The following GRID2 variants were observed in gnomAD, a reference collection of about 807,000 sequenced individuals.
GRID2 encodes glutamate receptor ionotropic, delta-2.
Under a neutral mutation model 114.8 loss-of-function variants are expected in GRID2, and 33 were observed. That is an observed-to-expected ratio of 0.29 (90% CI 0.22 to 0.38). GRID2 has a LOEUF of 0.38. Ranked by LOEUF, GRID2 falls within the 10% of genes least tolerant of loss-of-function variation. GRID2 has a pLI of 1.00. For missense variants in GRID2, 1,184 were observed against 1,257.7 expected (o/e 0.94, Z 0.89); for synonymous variants, 505 against 449.9 (o/e 1.12, Z -1.55).
intron 14 of GRID2, among the ~76,000 whole-genome samples, chr4:93,674,785 G>A (rs1480762582): frequency 6.6e-6 from 1 of 151,470 alleles, no homozygotes; most frequent in Non-Finnish European, 1.5e-5. Flanking sequence ...TCTAAAAAGT[G>A]GACATTAAAA....
At chr4:93,001,725 C>T (rs576311875) in intron 2 of GRID2, among the ~76,000 whole-genome samples, 2 of 151,772 alleles carry the variant, frequency 1.3e-5, no homozygotes, top group Non-Finnish European at 3.0e-5. Context: ...CTGCCATTAT[C>T]AGCTGTGTGC....
chr4:93,368,230 A>G (rs1762527631), intron 8 of GRID2, among the ~76,000 whole-genome samples: 1 of 152,142 alleles, frequency 6.6e-6, no homozygotes, highest in East Asian at 1.9e-4. Flanking sequence ...TTAAATGTAT[A>G]ATTATTATTT....
chr4:92,926,596 T>A (rs987573117), intron 2 of GRID2, among the ~76,000 whole-genome samples: 1 of 151,992 alleles, frequency 6.6e-6, no homozygotes, highest in African/African-American at 2.4e-5. Flanking sequence ...AGTTAGTAAA[T>A]AAATGATTAT....
chr4:93,073,316 TA>T (rs1162227741), intron 2 of GRID2, among the ~76,000 whole-genome samples: 1 of 152,160 alleles, frequency 6.6e-6, no homozygotes, highest in African/African-American at 2.4e-5. Context: ...TATAAACAGA[TA>T]ATGTAAACTT....
chr4:93,488,311 C>T (rs1478205078), intron 11 of GRID2, among the ~76,000 whole-genome samples: 1 of 151,882 alleles, frequency 6.6e-6, no homozygotes, highest in African/African-American at 2.4e-5. Context: ...AAGAAGGTAT[C>T]TAAAATGCAT....
intron 2 of GRID2, among the ~76,000 whole-genome samples, chr4:92,846,071 A>G (rs937881630): frequency 6.6e-6 from 1 of 152,088 alleles, no homozygotes; most frequent in Non-Finnish European, 1.5e-5. Flanking sequence ...CTTAATATCT[A>G]GTTAAAATTA....
chr4:92,998,410 T>C (rs1434877547), intron 2 of GRID2, among the ~76,000 whole-genome samples: 1 of 152,046 alleles, frequency 6.6e-6, no homozygotes, highest in Non-Finnish European at 1.5e-5. Context: ...GATTTTCAAA[T>C]TAAAGTATGA....
chr4:92,685,166 TATC>T (rs1733839706), intron 2 of GRID2, among the ~76,000 whole-genome samples: 1 of 152,118 alleles, frequency 6.6e-6, no homozygotes, highest in Non-Finnish European at 1.5e-5. Context: ...CTAAATATTT[TATC>T]ATTATAGAAA....
At chr4:92,315,484 G>A (rs1172306779) in intron 1 of GRID2, among the ~76,000 whole-genome samples, 1 of 152,070 alleles carries the variant, frequency 6.6e-6, no homozygotes, top group Non-Finnish European at 1.5e-5. Context: ...TAGCTTCTTG[G>A]GGTGGTGAAA....
At chr4:93,149,580 AAAAAAC>A (rs1382015734) in intron 4 of GRID2, among the ~76,000 whole-genome samples, 2 of 151,796 alleles carry the variant, frequency 1.3e-5, no homozygotes, top group Non-Finnish European at 2.9e-5. Flanking sequence ...CATCAAAAAA[AAAAAAC>A]AAAAACAAGT....
chr4:92,807,501 T>A (rs1017908408), intron 2 of GRID2, among the ~76,000 whole-genome samples: 30 of 151,592 alleles, frequency 2.0e-4, no homozygotes, highest in African/African-American at 7.3e-4. Flanking sequence ...ATACAAGGAG[T>A]TGTAATTGGA....
At chr4:92,453,674 C>T (rs549729214) in intron 1 of GRID2, among the ~76,000 whole-genome samples, 8 of 152,194 alleles carry the variant, frequency 5.3e-5, no homozygotes, top group African/African-American at 1.9e-4. Flanking sequence ...CCTAGGAGTG[C>T]ACATTGTTGA....
At chr4:92,891,055 T>G (rs1019943993) in intron 2 of GRID2, among the ~76,000 whole-genome samples, 1 of 152,042 alleles carries the variant, frequency 6.6e-6, no homozygotes, top group East Asian at 1.9e-4. Context: ...TAAGTGGAAG[T>G]TGAACGATAA....
At chr4:93,113,033 T>G (rs536987869) in intron 4 of GRID2, among the ~76,000 whole-genome samples, 1 of 152,256 alleles carries the variant, frequency 6.6e-6, no homozygotes, top group East Asian at 1.9e-4. Flanking sequence ...AAGGAGGTAG[T>G]GATGGCACAA....
chr4:93,006,321 G>C (rs904679827), intron 2 of GRID2, among the ~76,000 whole-genome samples: 14 of 152,076 alleles, frequency 9.2e-5, no homozygotes, highest in African/African-American at 2.9e-4. Context: ...GGAGGAGAGG[G>C]GGAGACCTAG....
intron 1 of GRID2, among the ~76,000 whole-genome samples, chr4:92,588,503 C>T (rs1255339964): frequency 1.3e-5 from 2 of 151,070 alleles, no homozygotes; most frequent in Non-Finnish European, 3.0e-5. Flanking sequence ...AGTGAAACCC[C>T]GTCCCTACTA....
At chr4:93,496,898 G>T (rs1418265015) in intron 12 of GRID2, among the ~76,000 whole-genome samples, 1 of 151,778 alleles carries the variant, frequency 6.6e-6, no homozygotes, top group African/African-American at 2.4e-5. Flanking sequence ...TAAATGCCCA[G>T]GAATACAATT....
chr4:92,975,916 A>G (rs917649353), intron 2 of GRID2, among the ~76,000 whole-genome samples: 2 of 152,156 alleles, frequency 1.3e-5, no homozygotes, highest in Non-Finnish European at 2.9e-5. Context: ...GCAAATTTAC[A>G]TGACTATATG....
chr4:92,629,357 G>A (rs2149244757), intron 2 of GRID2, among the ~76,000 whole-genome samples: 1 of 152,016 alleles, frequency 6.6e-6, no homozygotes, highest in East Asian at 1.9e-4. Flanking sequence ...ATCTTAGTAT[G>A]GACACCATAT....
Sources: gnomAD v4.1 joint callset for allele counts (sites outside exome capture counted in the v4.1 genomes callset) on GRCh38, gnomAD v4.1.1 for gene constraint, MANE v1.5 for transcripts, NCBI Gene and HGNC (gene_info 2026-07-23, HGNC 2026-07-21) for gene names.